Variants in EPHA3 observed in about 807,000 individuals in gnomAD.
The protein encoded by EPHA3 is ephrin type-A receptor 3.
In EPHA3, 42 loss-of-function variants were observed where a neutral mutation model predicts 107.1. The observed-to-expected ratio is 0.39, with a 90% CI of 0.31 to 0.51. The LOEUF (loss-of-function observed/expected upper bound fraction) is 0.51, where lower values mean the gene tolerates loss of function less well. Among genes scored for constraint, EPHA3 ranks in the 20% least tolerant of loss-of-function variants. The pLI is 0.78. For synonymous variants in EPHA3, 461 were observed against 424.8 expected, an observed-to-expected ratio of 1.09 and a Z score of -1.05; for missense variants, 1,183 against 1,211.2, an observed-to-expected ratio of 0.98 and a Z score of 0.35.
Position 89,341,751 on chromosome 3 carries a change from G to C in EPHA3, c.971-4G>C. 1 of 1,601,270 alleles carries C rather than the reference G, an allele frequency of 6.2e-7. No individual in the cohort carries two copies. Among genetic ancestry groups the C allele is most frequent in the Non-Finnish European group, 8.5e-7 (1 of 1,173,216 alleles). On this transcript the variant is annotated splice_region_variant and splice_polypyrimidine_tract_variant and intron_variant, in intron 4 of 16. Transcript: ENST00000336596. ...TCATTAATCTTTGTTGAACTACTTT[G>C]CAGGACCTCCATCTTCACCAAGAAA...
At chr3:89,409,443 A>T (rs1172668588) in intron 9 of EPHA3, among the ~76,000 whole-genome samples, 1 of 149,258 alleles carries the variant, frequency 6.7e-6, no homozygotes, top group African/African-American at 2.5e-5. Context: ...TGCTGATTTG[A>T]TTTTTTTTTT....
Position 89,368,842 on chromosome 3 carries a change from G to T in EPHA3, c.1306+26752G>T, listed in dbSNP as rs1047789538. On this transcript the variant is annotated intron_variant, in intron 5 of 16. Coordinates refer to ENST00000336596, the MANE Select transcript of EPHA3 (RefSeq NM_005233.6). ...AAACAAAAAACAAAAAACAAAAAAC[G>T]CTTCACCAGCAGTATGAGCATCCCT... Among the ~76,000 whole-genome samples the T allele has an allele frequency of 8.0e-5, 12 of 150,140 alleles. 1 individual carries two copies. Among genetic ancestry groups the T allele is most frequent in the Non-Finnish European group, 1.6e-4 (11 of 67,068 alleles).
Position 89,480,168 on chromosome 3 carries a change from T to A in EPHA3, c.*666T>A, listed in dbSNP as rs548716172. ...TTTCTTTTGAATTGTTTTTATTGTT[T>A]TCTATTTATGCCTTGATGATTTAAT... On this transcript the variant is annotated 3_prime_UTR_variant, in exon 17 of 17. Transcript: ENST00000336596. 1 of 233,120 alleles carries A rather than the reference T, an allele frequency of 4.3e-6. No homozygotes were observed. The highest frequency in any genetic ancestry group is 1.8e-4 in the South Asian group (1 of 5,530). 14.4% of individuals were successfully genotyped at this position (233,120 alleles called of 1,614,324 possible). A position where few individuals can be genotyped will look rare whatever the true frequency, so the allele number is the denominator to read the frequency against.
At chr3:89,313,173 G>T (rs1041457474) in intron 3 of EPHA3, among the ~76,000 whole-genome samples, 5 of 151,808 alleles carry the variant, frequency 3.3e-5, no homozygotes, top group Admixed American at 3.3e-4. Context: ...TTTACAATAT[G>T]CATAGTAATC....
intron 2 of EPHA3, among the ~76,000 whole-genome samples, chr3:89,128,250 G>T (rs1704133500): frequency 6.6e-6 from 1 of 152,082 alleles, no homozygotes; most frequent in Non-Finnish European, 1.5e-5. Flanking sequence ...TTCCATCAGA[G>T]ATACTTCATC....
intron 3 of EPHA3, among the ~76,000 whole-genome samples, chr3:89,279,044 T>C (rs1438451758): frequency 6.6e-6 from 1 of 152,240 alleles, no homozygotes; most frequent in Non-Finnish European, 1.5e-5. Flanking sequence ...CATTTTTAAA[T>C]AGCAGACTGT....
At chr3:89,155,697 T>C (rs1704788072) in intron 2 of EPHA3, among the ~76,000 whole-genome samples, 1 of 152,124 alleles carries the variant, frequency 6.6e-6, no homozygotes, top group Non-Finnish European at 1.5e-5. Flanking sequence ...GTTTTAATAA[T>C]GTTAACTTAA....
chr3:89,141,644 G>A (rs754380324), intron 2 of EPHA3, among the ~76,000 whole-genome samples: 42 of 151,354 alleles, frequency 2.8e-4, no homozygotes, highest in South Asian at 8.3e-4. Flanking sequence ...TAAGGCTTTC[G>A]CCTGCAAATA....
At chr3:89,181,549 T>C (rs1705442934) in intron 2 of EPHA3, among the ~76,000 whole-genome samples, 1 of 151,858 alleles carries the variant, frequency 6.6e-6, no homozygotes, top group Non-Finnish European at 1.5e-5. Context: ...GTAATGGAGA[T>C]GGTAGTGGAG....
At chr3:89,127,516 AATT>A (rs1704119337) in intron 2 of EPHA3, among the ~76,000 whole-genome samples, 1 of 151,932 alleles carries the variant, frequency 6.6e-6, no homozygotes, top group African/African-American at 2.4e-5. Flanking sequence ...TAAATAGTTT[AATT>A]ATTATTGGCA....
At chr3:89,235,616 T>G (rs1553669516) in intron 3 of EPHA3, among the ~76,000 whole-genome samples, 1 of 151,798 alleles carries the variant, frequency 6.6e-6, no homozygotes, top group African/African-American at 2.4e-5. Flanking sequence ...TAGATAAATT[T>G]AGAAAAAAAA....
chr3:89,382,490 A>G (rs1470076693), intron 5 of EPHA3, among the ~76,000 whole-genome samples: 1 of 151,184 alleles, frequency 6.6e-6, no homozygotes, highest in Non-Finnish European at 1.5e-5. Flanking sequence ...CCTGGGCAAC[A>G]GAGCAAAAAT....
chr3:89,291,119 T>A (rs1706198632), intron 3 of EPHA3, among the ~76,000 whole-genome samples: 1 of 152,122 alleles, frequency 6.6e-6, no homozygotes, highest in Non-Finnish European at 1.5e-5. Flanking sequence ...CAGAAAGGGA[T>A]TCAGGTTCAG....
At chr3:89,441,431 G>A (rs2107546432) in intron 13 of EPHA3, among the ~76,000 whole-genome samples, 1 of 152,242 alleles carries the variant, frequency 6.6e-6, no homozygotes, top group South Asian at 2.1e-4. Flanking sequence ...TATATCTTGG[G>A]AGCTTACATT....
At chr3:89,148,331 T>G (rs1387958738) in intron 2 of EPHA3, among the ~76,000 whole-genome samples, 1 of 151,976 alleles carries the variant, frequency 6.6e-6, no homozygotes, top group African/African-American at 2.4e-5. Context: ...GAGTAGAGTT[T>G]ATGAATTTAC....
At position 89,140,705 on chromosome 3, in the gene EPHA3, G is replaced by A. The variant is rs781182926; in HGVS notation, c.153+13432G>A. Among the ~76,000 whole-genome samples, 12 of 151,692 alleles carry A rather than the reference G, an allele frequency of 7.9e-5. No individual in the cohort carries two copies. The East Asian group carries it at 2.3e-3, about 29-fold the overall frequency. On this transcript the variant is annotated intron_variant, in intron 2 of 16. Transcript: ENST00000336596. Reference sequence around the variant, plus strand: ...GAAAACATTTAGGGGAAGGTTAAGTGTAATAGCATTATTTCAGAAGTGAAA... The same window carrying A: ...GAAAACATTTAGGGGAAGGTTAAGTATAATAGCATTATTTCAGAAGTGAAA...
intron 10 of EPHA3, among the ~76,000 whole-genome samples, chr3:89,416,809 C>G (rs1709257599): frequency 6.6e-6 from 1 of 151,372 alleles, no homozygotes; most frequent in South Asian, 2.1e-4. Flanking sequence ...CCAGGTGTCC[C>G]ACTTACAACA....
intron 13 of EPHA3, among the ~76,000 whole-genome samples, chr3:89,441,209 C>G (rs918842455): frequency 1.3e-5 from 2 of 152,132 alleles, no homozygotes; most frequent in African/African-American, 4.8e-5. Flanking sequence ...TACCCTGTAC[C>G]TCCAGTTATT....
At chr3:89,192,562 G>T (rs900746515) in intron 2 of EPHA3, among the ~76,000 whole-genome samples, 1 of 151,966 alleles carries the variant, frequency 6.6e-6, no homozygotes, top group Non-Finnish European at 1.5e-5. Context: ...TTAGGAATTA[G>T]TTCTCCAATA....
Sources: allele counts gnomAD v4.1 joint callset (sites outside exome capture counted in the v4.1 genomes callset), GRCh38; gene constraint gnomAD v4.1.1; transcripts MANE v1.5; gene names NCBI Gene and HGNC (gene_info 2026-07-23, HGNC 2026-07-21).